The following PRRX1 variants were observed in gnomAD, a reference collection of about 807,000 sequenced individuals.
PRRX1 encodes paired related homeobox 1.
A neutral mutation model predicts 24.0 loss-of-function variants in PRRX1; 8 were observed. That is an observed-to-expected ratio of 0.33 (90% CI 0.20 to 0.60). The LOEUF is 0.60. Among genes scored for constraint, PRRX1 ranks in the 20% least tolerant of loss-of-function variants. PRRX1 has a pLI of 0.82. For synonymous variants in PRRX1, 160 were observed against 131.7 expected (o/e 1.22, Z -1.47); for missense variants, 281 against 322.4 (o/e 0.87, Z 0.98).
intron 1 of PRRX1, among the ~76,000 whole-genome samples, chr1:170,677,005 G>A (rs1371674778): frequency 6.6e-6 from 1 of 152,172 alleles, no homozygotes; most frequent in Non-Finnish European, 1.5e-5. Context: ...ATGCATGTGA[G>A]TTGTCATACT....
intron 2 of PRRX1, among the ~76,000 whole-genome samples, chr1:170,721,197 G>T (rs770921790): frequency 2.6e-5 from 4 of 152,184 alleles, no homozygotes; most frequent in Non-Finnish European, 5.9e-5. Context: ...GTAGTGCTTT[G>T]TTGTGTCTCT....
At chr1:170,716,461 G>A (rs1381112388) in intron 1 of PRRX1, among the ~76,000 whole-genome samples, 1 of 152,034 alleles carries the variant, frequency 6.6e-6, no homozygotes, top group African/African-American at 2.4e-5. Flanking sequence ...GCAGGTGCCT[G>A]TAGTCCCAGC....
rs564854680 is a variant in PRRX1 at position 170,706,785 on chromosome 1, G to A, written c.242-12941G>A. ...GGTGACCACCTACACTTCATGGCCA[G>A]AAAAGCTTAGTGCCATTTGGTCTTG... On this transcript the variant is annotated intron_variant, in intron 1 of 3. Coordinates refer to ENST00000239461, the MANE Select transcript of PRRX1 (RefSeq NM_022716.4). 1.3e-5 allele frequency among the ~76,000 whole-genome samples: 2 copies of A among 152,316 alleles called. 1 individual carries two copies. The highest frequency in any genetic ancestry group is 4.8e-5 in the African/African-American group (2 of 41,564).
At position 170,699,999 on chromosome 1, in the gene PRRX1, A is replaced by C. The variant is rs577775233; in HGVS notation, c.242-19727A>C. The stretch of plus-strand genomic sequence containing the variant: ...AACCTCTCAAAGTACTGGAATTACA[A>C]GTGTGAGCCACTGAGCCCAGCCAAG... On this transcript the variant is annotated intron_variant, in intron 1 of 3. Transcript: ENST00000239461. 7.2e-5 allele frequency among the ~76,000 whole-genome samples: 11 copies of C among 152,334 alleles called. No individual in the cohort carries two copies. The East Asian group carries it at 2.1e-3, about 29-fold the overall frequency.
chr1:170,674,662 T>C (rs6696696), intron 1 of PRRX1, among the ~76,000 whole-genome samples: 1 of 146,902 alleles, frequency 6.8e-6, no homozygotes, highest in African/African-American at 2.5e-5. Context: ...GTAAGCAAAT[T>C]TTTTTTTTTT....
At chr1:170,691,625 T>C (rs1653984396) in intron 1 of PRRX1, among the ~76,000 whole-genome samples, 1 of 151,646 alleles carries the variant, frequency 6.6e-6, no homozygotes, top group South Asian at 2.1e-4. Flanking sequence ...TTCAGATATA[T>C]TGTTGTGTCA....
chr1:170,703,990 A>G (rs988125521), intron 1 of PRRX1, among the ~76,000 whole-genome samples: 9 of 152,224 alleles, frequency 5.9e-5, no homozygotes, highest in African/African-American at 1.9e-4. Flanking sequence ...TGGGAAAAGC[A>G]AAGCAAAAAT....
chr1:170,724,898 C>A (rs895163071), intron 2 of PRRX1, among the ~76,000 whole-genome samples: 1 of 152,160 alleles, frequency 6.6e-6, no homozygotes, highest in Non-Finnish European at 1.5e-5. Context: ...GATATTGATT[C>A]TTCCTATCCA....
At chr1:170,702,257 G>C (rs777868230) in intron 1 of PRRX1, among the ~76,000 whole-genome samples, 6 of 152,178 alleles carry the variant, frequency 3.9e-5, no homozygotes, top group Non-Finnish European at 8.8e-5. Flanking sequence ...GCCACGGACT[G>C]TTACCGGTCC....
intron 3 of PRRX1, among the ~76,000 whole-genome samples, chr1:170,732,618 T>C (rs1655469556): frequency 6.6e-6 from 1 of 152,204 alleles, no homozygotes; most frequent in Admixed American, 6.5e-5. Flanking sequence ...TTAGTATGTG[T>C]ACAAAATATT....
At chr1:170,719,956 C>T in intron 2 of PRRX1, 55 bp downstream of exon 2, 1 of 1,597,192 alleles carries the variant, frequency 6.3e-7, no homozygotes, top group Non-Finnish European at 8.6e-7. Flanking sequence ...AGAGGCACAT[C>T]TCTGAAAACT....
intron 1 of PRRX1, among the ~76,000 whole-genome samples, chr1:170,690,380 T>G (rs1297727549): frequency 5.3e-5 from 8 of 152,032 alleles, no homozygotes; most frequent in Admixed American, 5.2e-4. Context: ...ATGGGAGATA[T>G]GAACTATAAG....
chr1:170,729,961 G>A (rs1236693928), intron 3 of PRRX1, among the ~76,000 whole-genome samples: 1 of 152,228 alleles, frequency 6.6e-6, no homozygotes, highest in Non-Finnish European at 1.5e-5. Context: ...GTGGGTAGCA[G>A]TGATCAACCA....
intron 1 of PRRX1, among the ~76,000 whole-genome samples, chr1:170,704,748 A>G (rs1401817702): frequency 6.6e-6 from 1 of 152,202 alleles, no homozygotes; most frequent in Admixed American, 6.5e-5. Context: ...CCTGGTGTGT[A>G]ATAGACTATA....
intron 1 of PRRX1, among the ~76,000 whole-genome samples, chr1:170,686,217 G>C (rs1239845913): frequency 6.7e-6 from 1 of 148,200 alleles, no homozygotes; most frequent in Non-Finnish European, 1.5e-5. Context: ...TTACGTTTCA[G>C]ATATTTTTTA....
chr1:170,736,525 A>T lies in PRRX1; in HGVS notation c.*339A>T. On this transcript the variant is annotated 3_prime_UTR_variant, in exon 4 of 4. Coordinates refer to ENST00000239461, the MANE Select transcript of PRRX1 (RefSeq NM_022716.4). The stretch of plus-strand genomic sequence containing the variant: ...ATGATTGTATGAAGTTTTAAAAAAA[A>T]CTACAGCAGCCAAAGAAACTATATA... 2.9e-6 allele frequency: 1 copy of T among 342,554 alleles called. No homozygotes were observed. Among genetic ancestry groups the T allele is most frequent in the Non-Finnish European group, 5.5e-6 (1 of 183,272 alleles). 21.2% of individuals were successfully genotyped at this position (342,554 alleles called of 1,614,324 possible).
In PRRX1 at chr1:170,692,613, A is replaced by G. The variant is rs114244153; in HGVS notation, c.242-27113A>G. Reference sequence around the variant, plus strand: ...GAATCTTTTTTTTTTTTTTCAAGATAGGAAGTAATCATCTACAACAAGTAT... The same window carrying G: ...GAATCTTTTTTTTTTTTTTCAAGATGGGAAGTAATCATCTACAACAAGTAT... On this transcript the variant is annotated intron_variant, in intron 1 of 3. Transcript: ENST00000239461. Among the ~76,000 whole-genome samples, 1,048 of 147,870 alleles carry G rather than the reference A, an allele frequency of 7.1e-3. 17 individuals are homozygous for G. The highest frequency in any genetic ancestry group is 0.025 in the African/African-American group (992 of 39,782).
chr1:170,713,275 G>T (rs772478832), intron 1 of PRRX1, among the ~76,000 whole-genome samples: 1 of 152,118 alleles, frequency 6.6e-6, no homozygotes, highest in Non-Finnish European at 1.5e-5. Context: ...CACATAATGC[G>T]GTGGGGTGGG....
At chr1:170,675,090 T>G (rs779632117) in intron 1 of PRRX1, among the ~76,000 whole-genome samples, 1 of 152,222 alleles carries the variant, frequency 6.6e-6, no homozygotes, top group Non-Finnish European at 1.5e-5. Context: ...TAAACAAACA[T>G]GCACCACACT....
Sources: gnomAD v4.1 joint callset for allele counts (sites outside exome capture counted in the v4.1 genomes callset) on GRCh38, gnomAD v4.1.1 for gene constraint, MANE v1.5 for transcripts, NCBI Gene and HGNC (gene_info 2026-07-23, HGNC 2026-07-21) for gene names.